Variants in MSL2 observed in about 807,000 individuals in gnomAD.
MSL2 encodes E3 ubiquitin-protein ligase MSL2.
A neutral mutation model predicts 35.8 loss-of-function variants in MSL2; 2 were observed. The ratio of observed to expected loss-of-function variants is 0.06; its 90% CI spans 0.02 to 0.18. MSL2 has a LOEUF of 0.18. MSL2 is among the 10% of genes least tolerant of loss of function. The pLI, the probability that MSL2 is intolerant of heterozygous loss-of-function variation, is 1.00. For missense variants in MSL2, 523 were observed against 706.7 expected (o/e 0.74, Z 2.95); for synonymous variants, 296 against 255.7 (o/e 1.16, Z -1.50).
At chr3:136,179,040 C>T (rs1429693434) in intron 1 of MSL2, among the ~76,000 whole-genome samples, 5 of 142,360 alleles carry the variant, frequency 3.5e-5, no homozygotes, top group African/African-American at 5.3e-5. Flanking sequence ...CAGGCTGGAA[C>T]GCAGTGGCAC....
chr3:136,188,317 C>T (rs1391314459), intron 1 of MSL2, among the ~76,000 whole-genome samples: 2 of 151,820 alleles, frequency 1.3e-5, no homozygotes, highest in Non-Finnish European at 2.9e-5. Context: ...GCCTATAGTC[C>T]CAGTTACTCA....
rs117152133 is a variant in MSL2, at chr3:136,173,893, C to T, written c.142+21079G>A. 3.3e-5 allele frequency among the ~76,000 whole-genome samples: 5 copies of T among 152,336 alleles called. No homozygotes were observed. The East Asian group carries it at 9.6e-4, about 29-fold the overall frequency. On this transcript the variant is annotated intron_variant, in intron 1 of 1. Transcript: ENST00000309993. ...AAGAACTCCATACTCCATTCTCACC[C>T]ACCACTGACCATTCCAAAACATGCA...
chr3:136,184,854 G>A (rs1180456649), intron 1 of MSL2, among the ~76,000 whole-genome samples: 1 of 151,290 alleles, frequency 6.6e-6, no homozygotes, highest in African/African-American at 2.4e-5. Context: ...AGCCAATGAT[G>A]CTAGCCAATA....
chr3:136,188,858 G>A (rs1037141668), intron 1 of MSL2, among the ~76,000 whole-genome samples: 4 of 151,394 alleles, frequency 2.6e-5, no homozygotes, highest in Admixed American at 1.3e-4. Context: ...TGCCTGCCTT[G>A]AACCCACATT....
chr3:136,189,996 A>G (rs1940636914), intron 1 of MSL2, among the ~76,000 whole-genome samples: 1 of 151,306 alleles, frequency 6.6e-6, no homozygotes, highest in Non-Finnish European at 1.5e-5. Context: ...TGGGAGGATC[A>G]CCTGGACCCG....
chr3:136,180,816 G>GGGAAGGAGGGAAGGAA (rs1940333901), intron 1 of MSL2, among the ~76,000 whole-genome samples: 6 of 53,632 alleles, frequency 1.1e-4, no homozygotes, highest in Non-Finnish European at 1.6e-4. Context: ...GAGGGAAGGA[G>GGGAAGGAGGGAAGGAA]GGAAGGAAGG....
chr3:136,181,911 T>G (rs1234418468), intron 1 of MSL2, among the ~76,000 whole-genome samples: 1 of 137,012 alleles, frequency 7.3e-6, no homozygotes, highest in Non-Finnish European at 1.5e-5. Flanking sequence ...AGAGTGAGAC[T>G]CTGTCTCAAA....
chr3:136,177,888 T>C (rs981443023), intron 1 of MSL2, among the ~76,000 whole-genome samples: 4 of 152,136 alleles, frequency 2.6e-5, no homozygotes, highest in African/African-American at 7.2e-5. Context: ...TTTAAAAATA[T>C]AAATGTCACT....
intron 1 of MSL2, 57 bp downstream of exon 1, chr3:136,194,915 T>G: frequency 6.2e-7 from 1 of 1,609,228 alleles, no homozygotes; most frequent in Non-Finnish European, 8.5e-7. Flanking sequence ...ACGTTACCAC[T>G]GCCCAGAAGG....
At chr3:136,166,418 A>G (rs764739936) in intron 1 of MSL2, among the ~76,000 whole-genome samples, 1 of 152,060 alleles carries the variant, frequency 6.6e-6, no homozygotes, top group Non-Finnish European at 1.5e-5. Context: ...GGCCCCAGAA[A>G]GGGGCTTTAA....
At chr3:136,190,470 T>C (rs867857565) in intron 1 of MSL2, among the ~76,000 whole-genome samples, 6 of 150,284 alleles carry the variant, frequency 4.0e-5, no homozygotes, top group Middle Eastern at 6.9e-3. Context: ...GCCAGAGGAC[T>C]GGAGTTGGAG....
intron 1 of MSL2, among the ~76,000 whole-genome samples, chr3:136,178,979 C>CT (rs763670751): frequency 0.034 from 3,443 of 101,714 alleles, 90 homozygotes; most frequent in African/African-American, 0.072. Context: ...TGTTGGTTTT[C>CT]TTTTTTTTTT....
chr3:136,166,053 A>G (rs936901720), intron 1 of MSL2, among the ~76,000 whole-genome samples: 8 of 126,334 alleles, frequency 6.3e-5, no homozygotes, highest in Admixed American at 3.6e-4. Context: ...ATTTAAATGT[A>G]CGTACCAGTA....
intron 1 of MSL2, among the ~76,000 whole-genome samples, chr3:136,159,421 T>C (rs2108065534): frequency 7.4e-6 from 1 of 134,808 alleles, no homozygotes; most frequent in Non-Finnish European, 1.5e-5. Context: ...TGGAGTGCAG[T>C]GGTGCCATCT....
intron 1 of MSL2, among the ~76,000 whole-genome samples, chr3:136,178,531 AC>A (rs1309950527): frequency 7.0e-6 from 1 of 143,622 alleles, no homozygotes; most frequent in Non-Finnish European, 1.5e-5. Flanking sequence ...ATTTACTGGC[AC>A]TTTTTTTTTT....
At chr3:136,181,220 T>C (rs1940351635) in intron 1 of MSL2, among the ~76,000 whole-genome samples, 1 of 152,054 alleles carries the variant, frequency 6.6e-6, no homozygotes, top group African/African-American at 2.4e-5. Context: ...TTTATGCTCA[T>C]CATCTAGTAT....
At chr3:136,183,822 G>A (rs1356863980) in intron 1 of MSL2, among the ~76,000 whole-genome samples, 1 of 152,180 alleles carries the variant, frequency 6.6e-6, no homozygotes, top group Non-Finnish European at 1.5e-5. Context: ...ACTACTAAGA[G>A]TCTGTAAGAA....
Position 136,152,669 on chromosome 3 carries a change from T to C in MSL2, c.212A>G (p.Lys71Arg). The change falls in exon 2 of 2, where the codon AAA becomes AGA. Residue 71 changes from lysine to arginine, a missense_variant. Around this residue, in one of 5 missense-constraint regions of MSL2, gnomAD observed 41 missense variants for 83.3 expected, o/e 0.49. Transcript: ENST00000309993. The stretch of plus-strand genomic sequence containing the variant: ...AGGTTTCATCATCATTTTCTTGCCT[T>C]TACAAGTTTTGCAGACATAATGTTG... ...TCQHYVCKTCKGKKMMMKPSC... is the reference protein window; with the variant it reads ...TCQHYVCKTCRGKKMMMKPSC... 1.9e-6 allele frequency: 3 copies of C among 1,614,204 alleles called. No homozygotes were observed. The highest frequency in any genetic ancestry group is 2.5e-6 in the Non-Finnish European group (3 of 1,180,038).
intron 1 of MSL2, among the ~76,000 whole-genome samples, chr3:136,186,786 A>C (rs1183641284): frequency 6.6e-6 from 1 of 152,262 alleles, no homozygotes; most frequent in East Asian, 1.9e-4. Flanking sequence ...ATAGAAATAA[A>C]GTGCACAATA....
Sources: allele counts gnomAD v4.1 joint callset (sites outside exome capture counted in the v4.1 genomes callset), GRCh38; gene constraint gnomAD v4.1.1; regional missense constraint gnomAD v4.1.1; transcripts MANE v1.5; gene names NCBI Gene and HGNC (gene_info 2026-07-23, HGNC 2026-07-21).